KDELR2: variants seen among roughly 807,000 people sequenced by gnomAD.
The protein encoded by KDELR2 is KDEL endoplasmic reticulum protein retention receptor 2, also known as ER lumen protein-retaining receptor 2.
KDELR2 carries 15 observed loss-of-function variants against 23.9 expected under a neutral mutation model. The ratio of observed to expected loss-of-function variants is 0.63; its 90% CI spans 0.42 to 0.97. The LOEUF is 0.97. KDELR2 is among the 50% of genes least tolerant of loss of function. The pLI, the probability that KDELR2 is intolerant of heterozygous loss-of-function variation, is 0.00. For synonymous variants in KDELR2, 119 were observed against 106.2 expected (o/e 1.12, Z -0.74); for missense variants, 272 against 254.6 (o/e 1.07, Z -0.46).
chr7:6,473,985 C>A (rs907670570), intron 2 of KDELR2, 199 bp downstream of exon 2: 1 of 420,948 alleles, frequency 2.4e-6, no homozygotes, highest in East Asian at 3.6e-5. Context: ...GTTTTGAAAC[C>A]AAAAATGTAT....
At chr7:6,469,193 G>C (rs779485614) in intron 3 of KDELR2, among the ~76,000 whole-genome samples, 27 of 147,152 alleles carry the variant, frequency 1.8e-4, no homozygotes, top group Non-Finnish European at 3.0e-4. Context: ...ACCTCGTGAT[G>C]TGCCCACCTT....
At chr7:6,482,225 C>T (rs1046844483) in intron 1 of KDELR2, among the ~76,000 whole-genome samples, 3 of 152,072 alleles carry the variant, frequency 2.0e-5, no homozygotes, top group Non-Finnish European at 4.4e-5. Context: ...TCTTGAACTC[C>T]TGACCTCAGG....
intron 1 of KDELR2, among the ~76,000 whole-genome samples, chr7:6,483,539 G>A (rs1318210510): frequency 6.6e-6 from 1 of 152,134 alleles, no homozygotes; most frequent in Non-Finnish European, 1.5e-5. Context: ...CCACGATCCT[G>A]CCCATCCTCC....
chr7:6,469,811 C>T, intron 2 of KDELR2, 57 bp from the exon 3 acceptor site: 1 of 1,448,220 alleles, frequency 6.9e-7, no homozygotes, highest in Non-Finnish European at 9.3e-7. Flanking sequence ...TCCAGCACCC[C>T]CCAGCTTTTT....
chr7:6,476,133 C>T (rs1785747032), intron 1 of KDELR2, among the ~76,000 whole-genome samples: 1 of 152,212 alleles, frequency 6.6e-6, no homozygotes, highest in African/African-American at 2.4e-5. Context: ...CATTTTGCAG[C>T]TTGCTGAAAC....
chr7:6,469,168 A>G (rs539495360), intron 3 of KDELR2, among the ~76,000 whole-genome samples: 22 of 150,092 alleles, frequency 1.5e-4, no homozygotes, highest in South Asian at 2.1e-4. Flanking sequence ...TAGCCAGTAT[A>G]GTCTCGATCT....
chr7:6,476,372 G>C (rs1464951455), intron 1 of KDELR2, among the ~76,000 whole-genome samples: 1 of 152,180 alleles, frequency 6.6e-6, no homozygotes, highest in Admixed American at 6.5e-5. Context: ...GTTCCAAAGG[G>C]GAAATGACAA....
intron 1 of KDELR2, among the ~76,000 whole-genome samples, chr7:6,475,912 T>A (rs1020203252): frequency 1.3e-5 from 2 of 152,302 alleles, no homozygotes; most frequent in East Asian, 3.9e-4. Context: ...AAGCACATTA[T>A]TTTTCTTTTC....
In KDELR2 at chr7:6,471,751, T is replaced by C. The variant is rs144455386; in HGVS notation, c.193-1997A>G. The stretch of plus-strand genomic sequence containing the variant: ...ACCAGTTTGTTTATTCACTCACCAG[T>C]TGAAGGACAGGTGGTTTCTAATTTG... On this transcript the variant is annotated intron_variant, in intron 2 of 4. Coordinates refer to ENST00000258739, the MANE Select transcript of KDELR2 (RefSeq NM_006854.4). Among the ~76,000 whole-genome samples the C allele has an allele frequency of 2.7e-3, 417 of 152,302 alleles. 6 individuals carry two copies. The highest frequency in any genetic ancestry group is 9.4e-3 in the African/African-American group (390 of 41,560).
chr7:6,480,029 T>C (rs770426384), intron 1 of KDELR2, among the ~76,000 whole-genome samples: 1 of 152,104 alleles, frequency 6.6e-6, no homozygotes, highest in African/African-American at 2.4e-5. Context: ...CACCATAAGA[T>C]CCAGTATGGG....
chr7:6,478,525 C>T (rs752256746), intron 1 of KDELR2, among the ~76,000 whole-genome samples: 27 of 152,270 alleles, frequency 1.8e-4, no homozygotes, highest in Non-Finnish European at 3.4e-4. Context: ...CAGTGAATTG[C>T]CAACTTTGCC....
intron 2 of KDELR2, among the ~76,000 whole-genome samples, chr7:6,471,938 G>T (rs1045940392): frequency 6.8e-6 from 1 of 148,092 alleles, no homozygotes; most frequent in Non-Finnish European, 1.5e-5. Context: ...GCCTTGCTCT[G>T]TCACCAGGCT....
At position 6,469,649 on chromosome 7, in the gene KDELR2, C is replaced by T; in HGVS notation, c.298G>A (p.Val100Ile). The change falls in exon 3 of 5, where the codon GTC becomes ATC. Residue 100 changes from valine to isoleucine, a missense_variant. By Grantham distance (29) the Val-to-Ile change is conservative. Transcript: ENST00000258739. ...AAAAATGAGAGGCCTCCCACAGGGA[C>T]CACCAGAAACTCCACTCGGAAGGTA... is the stretch of plus-strand genomic sequence containing the variant. ...HDTFRVEFLV[V>I]PVGGLSFLVN... 6.2e-7 allele frequency: 1 copy of T among 1,614,072 alleles called. No individual in the cohort carries two copies. Among genetic ancestry groups the T allele is most frequent in the East Asian group, 2.2e-5 (1 of 44,884 alleles).
chr7:6,478,505 C>G (rs184457221), intron 1 of KDELR2, among the ~76,000 whole-genome samples: 27 of 152,022 alleles, frequency 1.8e-4, no homozygotes, highest in Non-Finnish European at 3.8e-4. Flanking sequence ...ATTGGTCTTT[C>G]GTTATTCTTC....
Position 6,483,954 on chromosome 7 carries a change from C to A in KDELR2, c.91+13G>T. 6.6e-7 allele frequency: 1 copy of A among 1,505,178 alleles called. No individual in the cohort carries two copies. The highest frequency in any genetic ancestry group is 8.9e-7 in the Non-Finnish European group (1 of 1,122,570). The allele number at this position is 1,505,178 out of a possible 1,614,324, so 93.2% of individuals were successfully genotyped here. On this transcript the variant is annotated intron_variant, in intron 1 of 4. Transcript: ENST00000258739. Reference sequence around the variant, plus strand: ...CACGCCCGAGCCTCTCCGGGCCTTCCCCCGCCGCTCACCGGCGCAGGAGCG... The same window carrying A: ...CACGCCCGAGCCTCTCCGGGCCTTCACCCGCCGCTCACCGGCGCAGGAGCG...
At chr7:6,479,124 T>G (rs1463740166) in intron 1 of KDELR2, among the ~76,000 whole-genome samples, 1 of 151,924 alleles carries the variant, frequency 6.6e-6, no homozygotes, top group Non-Finnish European at 1.5e-5. Flanking sequence ...TCAACTACAT[T>G]GCAGCTTTCT....
At chr7:6,467,202 C>T (rs1039231631) in intron 3 of KDELR2, among the ~76,000 whole-genome samples, 5 of 152,166 alleles carry the variant, frequency 3.3e-5, no homozygotes, top group African/African-American at 9.7e-5. Flanking sequence ...TCTGGGATAC[C>T]AAATCAACCC....
At chr7:6,481,011 T>A (rs1224227364) in intron 1 of KDELR2, among the ~76,000 whole-genome samples, 1 of 152,152 alleles carries the variant, frequency 6.6e-6, no homozygotes, top group Non-Finnish European at 1.5e-5. Flanking sequence ...TCGTTAGCAT[T>A]TTAGCTGAAG....
chr7:6,464,426 C>T (rs551406173), intron 4 of KDELR2, among the ~76,000 whole-genome samples: 17 of 151,298 alleles, frequency 1.1e-4, no homozygotes, highest in Non-Finnish European at 1.5e-4. Flanking sequence ...GGTCAAGGCA[C>T]GAGAATCACT....
Sources: allele counts gnomAD v4.1 joint callset (sites outside exome capture counted in the v4.1 genomes callset), GRCh38; gene constraint gnomAD v4.1.1; transcripts MANE v1.5; gene names NCBI Gene and HGNC (gene_info 2026-07-23, HGNC 2026-07-21).